The following ARHGAP6 variants were observed in gnomAD, a reference collection of about 807,000 sequenced individuals.
ARHGAP6 encodes the protein Rho GTPase activating protein 6.
Under a neutral mutation model 55.7 loss-of-function variants are expected in ARHGAP6, and 16 were observed. The observed-to-expected ratio is 0.29, with a 90% CI of 0.19 to 0.44. The LOEUF is 0.44. Among genes scored for constraint, ARHGAP6 ranks in the 20% least tolerant of loss-of-function variants. ARHGAP6 has a pLI of 1.00. For missense variants in ARHGAP6, 698 were observed against 808.9 expected, an observed-to-expected ratio of 0.86 and a Z score of 1.66; for synonymous variants, 382 against 360.9, an observed-to-expected ratio of 1.06 and a Z score of -0.66.
chrX:11,526,898 G>A lies in ARHGAP6; in HGVS notation c.588+137343C>T, dbSNP rs753481853. 7.0e-4 allele frequency among the ~76,000 whole-genome samples: 78 copies of A among 111,071 alleles called. 1 individual carries two copies. The highest frequency in any genetic ancestry group is 1.4e-3 in the Non-Finnish European group (73 of 53,021). On this transcript the variant is annotated intron_variant, in intron 1 of 12. Coordinates refer to ENST00000337414, the MANE Select transcript of ARHGAP6 (RefSeq NM_013427.3). ...CCATGCTTAGTAATTCTAACTATGA[G>A]AGGTTAAAATGGAGGAGAGGTGTCC...
intron 1 of ARHGAP6, among the ~76,000 whole-genome samples, chrX:11,622,571 T>C (rs1601706348): frequency 9.0e-6 from 1 of 111,555 alleles, no homozygotes; most frequent in East Asian, 2.8e-4. Flanking sequence ...GGGAGAACTA[T>C]TGTAACCTGG....
intron 9 of ARHGAP6, among the ~76,000 whole-genome samples, chrX:11,164,087 C>G (rs940338474): frequency 4.3e-4 from 48 of 112,638 alleles, no homozygotes; most frequent in African/African-American, 1.5e-3. Flanking sequence ...ATCAGGGGTG[C>G]TATGATTAGT....
At chrX:11,386,117 C>G (rs1020084255) in intron 1 of ARHGAP6, among the ~76,000 whole-genome samples, 18 of 112,876 alleles carry the variant, frequency 1.6e-4, no homozygotes, top group Middle Eastern at 4.6e-3. Flanking sequence ...AGCCTCAAGT[C>G]TCAGTGAAAA....
chrX:11,407,735 T>C (rs1436093898), intron 1 of ARHGAP6, among the ~76,000 whole-genome samples: 1 of 112,091 alleles, frequency 8.9e-6, no homozygotes, highest in Non-Finnish European at 1.9e-5. Flanking sequence ...TCCATATCCC[T>C]GACTGCTAAA....
At chrX:11,198,725 T>C (rs192434387) in intron 2 of ARHGAP6, among the ~76,000 whole-genome samples, 166 of 112,482 alleles carry the variant, frequency 1.5e-3, no homozygotes, top group Non-Finnish European at 2.6e-3. Flanking sequence ...GATAAAATGA[T>C]TCTTAAATAC....
chrX:11,187,029 T>G (rs150652951), intron 4 of ARHGAP6, among the ~76,000 whole-genome samples: 1 of 111,033 alleles, frequency 9.0e-6, no homozygotes, highest in East Asian at 2.8e-4. Flanking sequence ...AGCTCAATCT[T>G]TCTGGGGAGC....
chrX:11,620,202 A>C (rs1361167374), intron 1 of ARHGAP6, among the ~76,000 whole-genome samples: 1 of 112,405 alleles, frequency 8.9e-6, no homozygotes, highest in Non-Finnish European at 1.9e-5. Context: ...ATAAAGAAGA[A>C]GCAAAAGCAT....
At chrX:11,306,750 A>G (rs1019373877) in intron 1 of ARHGAP6, among the ~76,000 whole-genome samples, 2 of 112,113 alleles carry the variant, frequency 1.8e-5, no homozygotes, top group African/African-American at 6.5e-5. Context: ...TGTAAATTCA[A>G]CTCCATTAGA....
intron 1 of ARHGAP6, among the ~76,000 whole-genome samples, chrX:11,267,149 A>T (rs1479627117): frequency 8.9e-6 from 1 of 112,120 alleles, no homozygotes; most frequent in Non-Finnish European, 1.9e-5. Flanking sequence ...TCATTTAAAG[A>T]TATCTAATAT....
At chrX:11,536,388 A>G (rs779887595) in intron 1 of ARHGAP6, among the ~76,000 whole-genome samples, 9 of 112,042 alleles carry the variant, frequency 8.0e-5, no homozygotes, top group African/African-American at 2.3e-4. Flanking sequence ...GTTGTATTCT[A>G]TACTGGCTTA....
intron 1 of ARHGAP6, among the ~76,000 whole-genome samples, chrX:11,518,729 ACCC>A (rs2050875903): frequency 1.0e-5 from 1 of 99,984 alleles, no homozygotes; most frequent in African/African-American, 3.8e-5. Flanking sequence ...GGTGCGCTGC[ACCC>A]ACTAACTTTT....
chrX:11,307,850 C>G (rs928418418), intron 1 of ARHGAP6, among the ~76,000 whole-genome samples: 1 of 111,560 alleles, frequency 9.0e-6, no homozygotes, highest in Non-Finnish European at 1.9e-5. Context: ...CTGCAATCAC[C>G]ACCACATTAG....
intron 1 of ARHGAP6, among the ~76,000 whole-genome samples, chrX:11,585,445 T>C (rs2051721662): frequency 8.9e-6 from 1 of 112,268 alleles, no homozygotes; most frequent in Non-Finnish European, 1.9e-5. Flanking sequence ...TGCTTGTTAT[T>C]TTTTGACTTT....
intron 12 of ARHGAP6, 91 bp from the exon 13 acceptor site, chrX:11,139,621 C>T (rs12395429): frequency 2.0e-6 from 2 of 978,892 alleles, no homozygotes; most frequent in East Asian, 3.6e-5. Context: ...CCCACTTCTA[C>T]GACGTCCCCC....
At chrX:11,663,913 G>GA (rs1296590197) in intron 1 of ARHGAP6, among the ~76,000 whole-genome samples, 2 of 112,581 alleles carry the variant, frequency 1.8e-5, no homozygotes, top group African/African-American at 3.2e-5. Flanking sequence ...ATTTGAGTTG[G>GA]AAAAAATATC....
At chrX:11,389,118 G>A (rs183050502) in intron 1 of ARHGAP6, among the ~76,000 whole-genome samples, 103 of 111,366 alleles carry the variant, frequency 9.2e-4, no homozygotes, top group African/African-American at 3.1e-3. Flanking sequence ...GGAATCTACC[G>A]GGGATCGACC....
At chrX:11,646,272 C>T (rs769499599) in intron 1 of ARHGAP6, among the ~76,000 whole-genome samples, 11 of 111,210 alleles carry the variant, frequency 9.9e-5, no homozygotes, top group East Asian at 5.6e-4. Flanking sequence ...CTCCCTCCCT[C>T]GACACATGAG....
Position 11,664,937 on chromosome X carries a change from C to A in ARHGAP6, c.-109G>T. ...GGCAAAGGTGCCAGGCGGGGCTGGC[C>A]CGGGGTTTGCCCAGGGCAGTGGAGA... On this transcript the variant is annotated 5_prime_UTR_variant, in exon 1 of 13. Transcript: ENST00000337414. 1.2e-6 allele frequency: 1 copy of A among 833,748 alleles called. No individual in the cohort carries two copies. Among genetic ancestry groups the A allele is most frequent in the Non-Finnish European group, 1.6e-6 (1 of 606,278 alleles). 68.7% of individuals were successfully genotyped at this position (833,748 alleles called of 1,213,427 possible).
intron 1 of ARHGAP6, among the ~76,000 whole-genome samples, chrX:11,440,102 C>A (rs1298350479): frequency 8.9e-6 from 1 of 112,305 alleles, no homozygotes; most frequent in Non-Finnish European, 1.9e-5. Context: ...GCTCTGAGAT[C>A]AGAAAAGCAA....
Sources: gnomAD v4.1 joint callset for allele counts (sites outside exome capture counted in the v4.1 genomes callset) on GRCh38, gnomAD v4.1.1 for gene constraint, MANE v1.5 for transcripts, NCBI Gene and HGNC (gene_info 2026-07-23, HGNC 2026-07-21) for gene names.